DLG2: variants seen among roughly 807,000 people sequenced by gnomAD.
DLG2 encodes disks large homolog 2.
A neutral mutation model predicts 132.5 loss-of-function variants in DLG2; 45 were observed. The observed-to-expected ratio is 0.34, with a 90% confidence interval of 0.27 to 0.44. The LOEUF is 0.44. DLG2 is among the 20% of genes least tolerant of loss of function. The probability of loss-of-function intolerance (pLI) is 1.00; values close to 1 mark genes in which losing one functional copy is unlikely to be tolerated. For synonymous variants in DLG2, 424 were observed against 419.6 expected (o/e 1.01, Z -0.13); for missense variants, 1,045 against 1,196.9 (o/e 0.87, Z 1.87).
intron 7 of DLG2, among the ~76,000 whole-genome samples, chr11:84,326,982 T>A (rs1212080057): frequency 6.6e-6 from 1 of 152,124 alleles, no homozygotes; most frequent in African/African-American, 2.4e-5. Flanking sequence ...TTTATATTTT[T>A]TAACATTTTT....
chr11:83,672,498 C>T (rs754121552), intron 18 of DLG2, among the ~76,000 whole-genome samples: 1 of 152,116 alleles, frequency 6.6e-6, no homozygotes, highest in Non-Finnish European at 1.5e-5. Flanking sequence ...CTTAAACATG[C>T]AAACTCTGTG....
chr11:84,328,118 G>A (rs1220717557), intron 7 of DLG2, among the ~76,000 whole-genome samples: 1 of 152,128 alleles, frequency 6.6e-6, no homozygotes, highest in African/African-American at 2.4e-5. Flanking sequence ...GGAGGCCCTA[G>A]AAAGGGCATA....
At chr11:83,740,368 C>A (rs1221329994) in intron 18 of DLG2, among the ~76,000 whole-genome samples, 2 of 152,160 alleles carry the variant, frequency 1.3e-5, no homozygotes, top group Non-Finnish European at 2.9e-5. Flanking sequence ...GGATGATCTT[C>A]ACAAGCATCA....
chr11:83,635,920 C>A (rs1161063349), intron 18 of DLG2, among the ~76,000 whole-genome samples: 3 of 152,122 alleles, frequency 2.0e-5, no homozygotes, highest in Non-Finnish European at 4.4e-5. Context: ...AAAAATCATA[C>A]AGCCTCTAAT....
intron 6 of DLG2, among the ~76,000 whole-genome samples, chr11:84,574,784 T>C (rs955488857): frequency 5.9e-5 from 9 of 152,192 alleles, no homozygotes; most frequent in Non-Finnish European, 1.3e-4. Context: ...TAAAAGGTGC[T>C]CTTGCTCCTT....
At chr11:84,883,939 C>T (rs1471099018) in intron 6 of DLG2, among the ~76,000 whole-genome samples, 2 of 150,720 alleles carry the variant, frequency 1.3e-5, no homozygotes, top group Non-Finnish European at 3.0e-5. Flanking sequence ...TGAACAGAAA[C>T]ATGGGTCCCA....
intron 19 of DLG2, among the ~76,000 whole-genome samples, chr11:83,627,444 A>G (rs1334310459): frequency 6.6e-6 from 1 of 151,452 alleles, no homozygotes; most frequent in African/African-American, 2.4e-5. Flanking sequence ...ATTCCCACCT[A>G]TGAGTGAGAA....
intron 9 of DLG2, among the ~76,000 whole-genome samples, chr11:84,128,079 T>A (rs2094258402): frequency 6.6e-6 from 1 of 152,196 alleles, no homozygotes; most frequent in African/African-American, 2.4e-5. Context: ...TTCATTGTTA[T>A]ATCCCAGGGC....
At chr11:83,544,755 G>T (rs1310800524) in intron 19 of DLG2, among the ~76,000 whole-genome samples, 1 of 152,148 alleles carries the variant, frequency 6.6e-6, no homozygotes, top group Non-Finnish European at 1.5e-5. Context: ...ATAGATGAGG[G>T]AAGGAGGCTC....
intron 20 of DLG2, among the ~76,000 whole-genome samples, chr11:83,537,829 AAAAAAAG>A (rs1245426371): frequency 7.2e-6 from 1 of 138,366 alleles, no homozygotes; most frequent in Non-Finnish European, 1.5e-5. Flanking sequence ...AAAAAAAAAA[AAAAAAAG>A]AGAGAGAGAG....
chr11:84,107,009 TGTGTGA>T (rs1288395554), intron 9 of DLG2, among the ~76,000 whole-genome samples: 31 of 29,178 alleles, frequency 1.1e-3, no homozygotes, highest in African/African-American at 2.4e-3. Context: ...TGTGTGTGTG[TGTGTGA>T]GAGAGTTTTA....
At chr11:84,210,236 T>C (rs1018679225) in intron 8 of DLG2, among the ~76,000 whole-genome samples, 1 of 151,754 alleles carries the variant, frequency 6.6e-6, no homozygotes, top group African/African-American at 2.4e-5. Flanking sequence ...TAAGCCAAGA[T>C]AGAGCCACTG....
At chr11:84,595,255 C>A (rs1311654947) in intron 6 of DLG2, among the ~76,000 whole-genome samples, 2 of 152,014 alleles carry the variant, frequency 1.3e-5, no homozygotes, top group African/African-American at 4.8e-5. Flanking sequence ...AAGGTGCGTG[C>A]CACCATGCTG....
intron 6 of DLG2, among the ~76,000 whole-genome samples, chr11:84,709,540 G>A (rs948515597): frequency 1.3e-5 from 2 of 151,862 alleles, no homozygotes; most frequent in African/African-American, 4.8e-5. Flanking sequence ...AGAGCTCAGA[G>A]AAGTGAAAGA....
At chr11:85,253,335 A>T (rs2076493466) in intron 4 of DLG2, among the ~76,000 whole-genome samples, 1 of 152,230 alleles carries the variant, frequency 6.6e-6, no homozygotes, top group Non-Finnish European at 1.5e-5. Context: ...TCATAAAGTG[A>T]AATACTGAAG....
intron 3 of DLG2, among the ~76,000 whole-genome samples, chr11:85,401,976 A>AC (rs925517251): frequency 1.1e-4 from 5 of 45,284 alleles, no homozygotes; most frequent in African/African-American, 3.4e-4. Flanking sequence ...TCTTCAGAGA[A>AC]TTAATAAAAA....
At chr11:84,662,582 T>C (rs2099695585) in intron 6 of DLG2, among the ~76,000 whole-genome samples, 1 of 150,190 alleles carries the variant, frequency 6.7e-6, no homozygotes, top group Non-Finnish European at 1.5e-5. Context: ...AGGTTGGGAG[T>C]TCGAGACCAG....
At chr11:84,337,705 G>T (rs2098493770) in intron 7 of DLG2, among the ~76,000 whole-genome samples, 2 of 152,014 alleles carry the variant, frequency 1.3e-5, no homozygotes, top group African/African-American at 2.4e-5. Flanking sequence ...CATATTCCTT[G>T]TATCTTCTTA....
At chr11:85,096,829 T>C (rs563005061) in intron 6 of DLG2, among the ~76,000 whole-genome samples, 42 of 152,232 alleles carry the variant, frequency 2.8e-4, no homozygotes, top group African/African-American at 9.9e-4. Flanking sequence ...TTAAAAGAGA[T>C]TAGCGTGGCC....
Sources: gnomAD v4.1 joint callset for allele counts (sites outside exome capture counted in the v4.1 genomes callset) on GRCh38, gnomAD v4.1.1 for gene constraint, MANE v1.5 for transcripts, NCBI Gene and HGNC (gene_info 2026-07-23, HGNC 2026-07-21) for gene names.